The following SYT1 variants were observed in gnomAD, a reference collection of about 807,000 sequenced individuals.
The protein encoded by SYT1 is synaptotagmin-1.
Under a neutral mutation model 44.8 loss-of-function variants are expected in SYT1, and 8 were observed. That is an observed-to-expected ratio of 0.18 (90% CI 0.10 to 0.32). The LOEUF (loss-of-function observed/expected upper bound fraction) is 0.32, where lower values mean the gene tolerates loss of function less well. Among genes scored for constraint, SYT1 ranks in the 10% least tolerant of loss-of-function variants. The pLI, the probability that SYT1 is intolerant of heterozygous loss-of-function variation, is 1.00. For synonymous variants in SYT1, 154 were observed against 188.8 expected, an observed-to-expected ratio of 0.82 and a Z score of 1.51; for missense variants, 286 against 509.3, an observed-to-expected ratio of 0.56 and a Z score of 4.22.
chr12:79,442,736 A>G (rs1009042336), intron 9 of SYT1, among the ~76,000 whole-genome samples: 6 of 152,084 alleles, frequency 3.9e-5, no homozygotes, highest in Non-Finnish European at 1.5e-5. Flanking sequence ...TGATAAAAAT[A>G]CCCTTTTTTC....
chr12:79,077,874 CT>C (rs984192149), intron 3 of SYT1, among the ~76,000 whole-genome samples: 7 of 150,590 alleles, frequency 4.6e-5, no homozygotes, highest in South Asian at 2.1e-4. Flanking sequence ...AAATTGTATG[CT>C]TTTTTTTTCT....
In SYT1 at chr12:78,923,852, A is replaced by T. The variant is rs182324332; in HGVS notation, c.-216-53947A>T. 3.8e-4 allele frequency among the ~76,000 whole-genome samples: 58 copies of T among 151,958 alleles called. 3 individuals are homozygous for T. Among genetic ancestry groups the T allele is most frequent in the Non-Finnish European group, 4.4e-5 (3 of 67,880 alleles). ...ATCTCTCATCAGGAAATTAACATTC[A>T]CTAGTCTTAATACTATTATCTAATC... On this transcript the variant is annotated intron_variant, in intron 1 of 10. Coordinates refer to ENST00000261205, the MANE Select transcript of SYT1 (RefSeq NM_005639.3).
At chr12:78,881,902 CT>C (rs1434079213) in intron 1 of SYT1, among the ~76,000 whole-genome samples, 1 of 151,702 alleles carries the variant, frequency 6.6e-6, no homozygotes. Context: ...CCTCAGGCAT[CT>C]GCTTAAATCA....
chr12:79,064,542 T>G (rs1007038789), intron 3 of SYT1, among the ~76,000 whole-genome samples: 1 of 152,228 alleles, frequency 6.6e-6, no homozygotes, highest in Admixed American at 6.5e-5. Flanking sequence ...AAGATAAAAC[T>G]TTTGCTTACT....
At chr12:79,200,075 C>T (rs1039998289) in intron 3 of SYT1, among the ~76,000 whole-genome samples, 7 of 151,956 alleles carry the variant, frequency 4.6e-5, no homozygotes, top group African/African-American at 1.7e-4. Context: ...ATGCTTCCTA[C>T]CAAAAGCTAC....
intron 8 of SYT1, among the ~76,000 whole-genome samples, chr12:79,309,724 A>G (rs1234770919): frequency 2.6e-5 from 4 of 152,258 alleles, no homozygotes; most frequent in African/African-American, 9.6e-5. Flanking sequence ...AACTTAAATT[A>G]TAAAGCTAGT....
At chr12:78,970,995 ATT>A (rs1868360546) in intron 1 of SYT1, among the ~76,000 whole-genome samples, 1 of 151,584 alleles carries the variant, frequency 6.6e-6, no homozygotes, top group Non-Finnish European at 1.5e-5. Context: ...ATAAAATAAA[ATT>A]TAAAAAAATA....
intron 3 of SYT1, among the ~76,000 whole-genome samples, chr12:79,096,601 C>G (rs1878146849): frequency 6.6e-6 from 1 of 151,908 alleles, no homozygotes; most frequent in Non-Finnish European, 1.5e-5. Context: ...AGAGTTTCCC[C>G]TTGAAAGGAG....
At position 78,910,618 on chromosome 12, in the gene SYT1, C is replaced by T. The variant is rs145903330; in HGVS notation, c.-217+45509C>T. ...CATGCAACAGGGAGTAAACACGCAA[C>T]AAGCAAAGCCCTTGCCTTCATGAAA... On this transcript the variant is annotated intron_variant, in intron 1 of 10. Coordinates refer to ENST00000261205, the MANE Select transcript of SYT1 (RefSeq NM_005639.3). Among the ~76,000 whole-genome samples, 335 of 152,026 alleles carry T rather than the reference C, an allele frequency of 2.2e-3. 3 individuals carry two copies. The highest frequency in any genetic ancestry group is 7.7e-3 in the African/African-American group (321 of 41,510).
intron 2 of SYT1, among the ~76,000 whole-genome samples, chr12:78,982,830 A>G (rs982917014): frequency 5.3e-5 from 8 of 152,126 alleles, no homozygotes; most frequent in Non-Finnish European, 1.2e-4. Context: ...TTTATCTCCT[A>G]CACTTCCCTG....
intron 3 of SYT1, among the ~76,000 whole-genome samples, chr12:79,215,584 C>T (rs1192928223): frequency 6.6e-6 from 1 of 152,090 alleles, no homozygotes; most frequent in East Asian, 1.9e-4. Context: ...AATCCAAATA[C>T]TTGAGAAGGC....
chr12:79,234,024 G>A (rs1404599391), intron 4 of SYT1, among the ~76,000 whole-genome samples: 1 of 152,092 alleles, frequency 6.6e-6, no homozygotes, highest in Non-Finnish European at 1.5e-5. Context: ...GTATCTTACT[G>A]TTTATTGAAA....
At chr12:79,172,328 C>T (rs1227055800) in intron 3 of SYT1, among the ~76,000 whole-genome samples, 1 of 151,652 alleles carries the variant, frequency 6.6e-6, no homozygotes, top group East Asian at 1.9e-4. Context: ...AGAGTGCCTG[C>T]TCCCAAAAAA....
At chr12:79,275,435 C>T (rs536089603) in intron 4 of SYT1, among the ~76,000 whole-genome samples, 37 of 152,150 alleles carry the variant, frequency 2.4e-4, no homozygotes, top group African/African-American at 8.9e-4. Flanking sequence ...GGAGGTGTGC[C>T]CTCCAGGTTC....
At chr12:78,954,444 G>T (rs1879113797) in intron 1 of SYT1, among the ~76,000 whole-genome samples, 1 of 151,904 alleles carries the variant, frequency 6.6e-6, no homozygotes, top group Non-Finnish European at 1.5e-5. Context: ...CAAAATGATA[G>T]CAGGTATTAA....
chr12:79,378,810 C>A (rs1343984110), intron 9 of SYT1, among the ~76,000 whole-genome samples: 1 of 152,128 alleles, frequency 6.6e-6, no homozygotes, highest in African/African-American at 2.4e-5. Flanking sequence ...CCTAAGGACC[C>A]TACTTGGGGA....
chr12:79,021,467 G>A (rs1470177606), intron 2 of SYT1, among the ~76,000 whole-genome samples: 1 of 151,634 alleles, frequency 6.6e-6, no homozygotes, highest in Admixed American at 6.6e-5. Flanking sequence ...TAGATAGTGA[G>A]GAGATGAGCC....
chr12:78,987,379 A>T (rs1869713966), intron 2 of SYT1, among the ~76,000 whole-genome samples: 2 of 152,082 alleles, frequency 1.3e-5, no homozygotes, highest in Non-Finnish European at 2.9e-5. Context: ...ATGAGGTCAC[A>T]TGTTGGCTAA....
chr12:79,039,836 T>C (rs988016989), intron 2 of SYT1, among the ~76,000 whole-genome samples: 6 of 140,278 alleles, frequency 4.3e-5, no homozygotes, highest in South Asian at 5.0e-4. Context: ...TGTGATCTCA[T>C]TGTTCAATTC....
Sources: gnomAD v4.1 joint callset for allele counts (sites outside exome capture counted in the v4.1 genomes callset) on GRCh38, gnomAD v4.1.1 for gene constraint, MANE v1.5 for transcripts, NCBI Gene and HGNC (gene_info 2026-07-23, HGNC 2026-07-21) for gene names.